Variants in ADORA2B observed in about 807,000 individuals in gnomAD.
ADORA2B encodes adenosine A2b receptor.
A neutral mutation model predicts 20.8 loss-of-function variants in ADORA2B; 18 were observed. The ratio of observed to expected loss-of-function variants is 0.87; its 90% CI spans 0.60 to 1.29. The LOEUF (loss-of-function observed/expected upper bound fraction) is 1.29, where lower values mean the gene tolerates loss of function less well. ADORA2B is among the 50% of genes most tolerant of loss of function. The pLI, the probability that ADORA2B is intolerant of heterozygous loss-of-function variation, is 0.00. For missense variants in ADORA2B, 441 were observed against 422.7 expected (o/e 1.04, Z -0.38); for synonymous variants, 179 against 178.3 (o/e 1.00, Z -0.03).
chr17:15,969,528 G>A (rs529141938), intron 1 of ADORA2B, among the ~76,000 whole-genome samples: 1 of 152,214 alleles, frequency 6.6e-6, no homozygotes, highest in East Asian at 1.9e-4. Context: ...TTTCAGCAGT[G>A]TGCCCGCATC....
chr17:15,865,568 G>T, the ADORA2B span, among the ~76,000 whole-genome samples: 1 of 152,084 alleles, frequency 6.6e-6, no homozygotes, highest in African/African-American at 2.4e-5. Context: ...GGCCTCAAAT[G>T]ATAGTCTCTT....
rs750745874 is a variant in ADORA2B, at chr17:15,945,568, T to G, written c.320T>G (p.Ile107Ser). The change falls in exon 1 of 2, where the codon ATC (isoleucine) becomes AGC (serine). Residue 107 changes from isoleucine to serine, a missense_variant. Coordinates refer to ENST00000304222, the MANE Select transcript of ADORA2B (RefSeq NM_000676.4). ...LAVAVDRYLAICVPLRYKSLV... is the reference protein window; with the variant it reads ...LAVAVDRYLASCVPLRYKSLV... ...GTGGCAGTCGACAGATACCTGGCCA[T>G]CTGTGTCCCGCTCAGGTGAGGCGCT... 13 of 1,551,920 alleles carry G rather than the reference T, an allele frequency of 8.4e-6. No homozygotes were observed. The highest frequency in any genetic ancestry group is 1.1e-5 in the Non-Finnish European group (13 of 1,152,636).
the ADORA2B span, among the ~76,000 whole-genome samples, chr17:15,913,594 T>C: frequency 6.6e-6 from 1 of 152,224 alleles, no homozygotes; most frequent in Non-Finnish European, 1.5e-5. Flanking sequence ...ATGGACACAA[T>C]ACATTTCCAA....
At chr17:15,887,840 A>G in the ADORA2B span, among the ~76,000 whole-genome samples, 45 of 120,058 alleles carry the variant, frequency 3.7e-4, 6 homozygotes, top group South Asian at 2.0e-3. Flanking sequence ...GGTCCCAGCT[A>G]CTCGGGAGGC....
At chr17:15,954,771 A>C (rs1056584712) in intron 1 of ADORA2B, among the ~76,000 whole-genome samples, 1 of 152,190 alleles carries the variant, frequency 6.6e-6, no homozygotes, top group Non-Finnish European at 1.5e-5. Context: ...TGTCTCAAAA[A>C]AAATTTTTTA....
chr17:15,936,528 T>A, the ADORA2B span, among the ~76,000 whole-genome samples: 2 of 151,770 alleles, frequency 1.3e-5, no homozygotes, highest in Non-Finnish European at 2.9e-5. Flanking sequence ...CCATGTTGGT[T>A]AGGCTGGTCT....
the ADORA2B span, among the ~76,000 whole-genome samples, chr17:15,915,592 A>T: frequency 2.1e-5 from 3 of 145,352 alleles, no homozygotes; most frequent in Non-Finnish European, 3.1e-5. Flanking sequence ...TAGGAGATAG[A>T]TAGGTGATAG....
At chr17:15,950,215 G>C (rs2535603) in intron 1 of ADORA2B, among the ~76,000 whole-genome samples, 138,357 of 152,262 alleles carry the variant, frequency 0.91, 63,993 homozygotes, top group Non-Finnish European at 0.99. Flanking sequence ...CCGTTTGAAG[G>C]TGGAGGCCAC....
the ADORA2B span, among the ~76,000 whole-genome samples, chr17:15,882,914 C>T: frequency 3.3e-5 from 5 of 152,168 alleles, no homozygotes; most frequent in Non-Finnish European, 7.3e-5. Context: ...CATCATGTCA[C>T]CATTCAGAAA....
chr17:15,855,532 A>G, the ADORA2B span, among the ~76,000 whole-genome samples: 13 of 151,804 alleles, frequency 8.6e-5, no homozygotes, highest in South Asian at 8.4e-4. Flanking sequence ...GTTTTTCTTC[A>G]AGGGTTTTCC....
At chr17:15,926,507 C>T in the ADORA2B span, among the ~76,000 whole-genome samples, 1 of 151,678 alleles carries the variant, frequency 6.6e-6, no homozygotes, top group Non-Finnish European at 1.5e-5. Flanking sequence ...GATGGGTGGG[C>T]ACAGTATGTC....
At chr17:15,871,907 C>T in the ADORA2B span, among the ~76,000 whole-genome samples, 2 of 152,112 alleles carry the variant, frequency 1.3e-5, no homozygotes, top group East Asian at 3.8e-4. Context: ...GTAGGTCCTC[C>T]CTCTGATCAT....
chr17:15,923,431 G>A, the ADORA2B span, among the ~76,000 whole-genome samples: 34 of 148,406 alleles, frequency 2.3e-4, no homozygotes, highest in African/African-American at 8.0e-4. Flanking sequence ...TTGAGATGGA[G>A]TCTCGCTCTG....
Position 15,975,219 on chromosome 17 carries a change from C to A in ADORA2B, c.876C>A (p.Tyr292Ter), listed in dbSNP as rs555538647. ...TTGTCAATCCCATTGTCTATGCTTA[C>A]CGGAACCGAGACTTCCGCTACACTT... Reference protein sequence around the residue: ...NSVVNPIVYAYRNRDFRYTFH... With the variant: ...NSVVNPIVYA The change falls in exon 2 of 2, where the codon TAC becomes TAA. Residue 292 changes from tyrosine (Y) to a stop codon, truncating the protein, a stop_gained. Transcript: ENST00000304222. LOFTEE classifies it high-confidence loss of function. The A allele has an allele frequency of 6.8e-6, 11 of 1,614,048 alleles. No homozygotes were observed. In the South Asian group the frequency reaches 1.2e-4, roughly 18 times the overall value.
chr17:15,863,728 C>T, the ADORA2B span, among the ~76,000 whole-genome samples: 2 of 152,072 alleles, frequency 1.3e-5, no homozygotes, highest in African/African-American at 2.4e-5. Flanking sequence ...TATAGATACC[C>T]TTAATTCAAA....
At chr17:15,966,226 A>C (rs1399832498) in intron 1 of ADORA2B, among the ~76,000 whole-genome samples, 2 of 152,260 alleles carry the variant, frequency 1.3e-5, no homozygotes, top group Non-Finnish European at 2.9e-5. Context: ...AATTTTAAGA[A>C]GCGGCAGTAG....
intron 1 of ADORA2B, among the ~76,000 whole-genome samples, chr17:15,958,239 A>C (rs938913759): frequency 1.3e-5 from 2 of 152,084 alleles, no homozygotes; most frequent in Non-Finnish European, 2.9e-5. Flanking sequence ...GCTGGTCTCA[A>C]ACTCCCAACG....
At chr17:15,931,143 C>T in the ADORA2B span, among the ~76,000 whole-genome samples, 3 of 152,056 alleles carry the variant, frequency 2.0e-5, no homozygotes, top group Non-Finnish European at 4.4e-5. Flanking sequence ...ACAGCAAGGC[C>T]CCATCTCTAC....
the ADORA2B span, among the ~76,000 whole-genome samples, chr17:15,851,729 C>T: frequency 6.6e-6 from 1 of 152,180 alleles, no homozygotes; most frequent in African/African-American, 2.4e-5. Flanking sequence ...GTAAATCACC[C>T]TTCAAAGAGA....
Sources: allele counts gnomAD v4.1 joint callset (sites outside exome capture counted in the v4.1 genomes callset), GRCh38; gene constraint gnomAD v4.1.1; transcripts MANE v1.5; gene names NCBI Gene and HGNC (gene_info 2026-07-23, HGNC 2026-07-21).